The following PLCB4 variants were observed in gnomAD, a reference collection of about 807,000 sequenced individuals.
PLCB4 encodes the protein phospholipase C beta 4, also known as 1-phosphatidylinositol 4,5-bisphosphate phosphodiesterase beta-4.
In PLCB4, 77 loss-of-function variants were observed where a neutral mutation model predicts 178.8. The ratio of observed to expected loss-of-function variants is 0.43; its 90% confidence interval spans 0.36 to 0.52. PLCB4 has a LOEUF of 0.52. PLCB4 is among the 20% of genes least tolerant of loss of function. The pLI is 0.00. For synonymous variants in PLCB4, 496 were observed against 490.8 expected, an observed-to-expected ratio of 1.01 and a Z score of -0.14; for missense variants, 1,024 against 1,453.4, an observed-to-expected ratio of 0.70 and a Z score of 4.80.
chr20:9,408,037 C>G lies in PLCB4; in HGVS notation c.1768C>G (p.Gln590Glu), dbSNP rs760391675. Reference protein sequence around the residue: ...MINYAQPVKFQGFHVAEERNI... With the variant: ...MINYAQPVKFEGFHVAEERNI... ...CAACTACGCCCAGCCTGTAAAGTTTCAAGGTTTCCATGTGGCAGAAGGTAA... is the reference window on the plus strand; with the variant it reads ...CAACTACGCCCAGCCTGTAAAGTTTGAAGGTTTCCATGTGGCAGAAGGTAA... The change falls in exon 22 of 40, where the codon CAA (glutamine) becomes GAA (glutamate). Residue 590 changes from glutamine (Q) to glutamate (E), a missense_variant. Around this residue, in one of 7 missense-constraint regions of PLCB4, gnomAD observed 263 missense variants for 417.4 expected, o/e 0.63. Coordinates refer to ENST00000378473, the MANE Select transcript of PLCB4 (RefSeq NM_001377142.1). The G allele has an allele frequency of 1.9e-6, 3 of 1,613,234 alleles. No homozygotes were observed. The highest frequency in any genetic ancestry group is 2.5e-6 in the Non-Finnish European group (3 of 1,179,698).
At chr20:9,191,489 A>G (rs2093403579) in intron 2 of PLCB4, among the ~76,000 whole-genome samples, 3 of 151,740 alleles carry the variant, frequency 2.0e-5, no homozygotes. Context: ...AGCCTCCAGA[A>G]CTGTGAGAAA....
At chr20:9,308,678 A>G (rs6077511) in intron 4 of PLCB4, among the ~76,000 whole-genome samples, 101,561 of 152,034 alleles carry the variant, frequency 0.67, 34,177 homozygotes, top group Middle Eastern at 0.75. Context: ...CTTCCCAGAG[A>G]TCCAGATTGT....
intron 2 of PLCB4, among the ~76,000 whole-genome samples, chr20:9,174,433 C>T (rs1295506543): frequency 6.6e-6 from 1 of 151,484 alleles, no homozygotes; most frequent in African/African-American, 2.4e-5. Context: ...GTGTGAGCCA[C>T]TGCACCTGGC....
intron 2 of PLCB4, among the ~76,000 whole-genome samples, chr20:9,134,616 G>C (rs939487769): frequency 6.6e-6 from 1 of 152,048 alleles, no homozygotes; most frequent in African/African-American, 2.4e-5. Flanking sequence ...TTCCTGTTCT[G>C]CCTCCCGTTT....
chr20:9,358,909 C>CA (rs1480717298), intron 7 of PLCB4, among the ~76,000 whole-genome samples: 3 of 151,950 alleles, frequency 2.0e-5, no homozygotes, highest in South Asian at 2.1e-4. Context: ...AAAAAAACAA[C>CA]AAAAAAAGGA....
chr20:9,162,120 T>C (rs1317004345), intron 2 of PLCB4, among the ~76,000 whole-genome samples: 1 of 152,168 alleles, frequency 6.6e-6, no homozygotes, highest in African/African-American at 2.4e-5. Flanking sequence ...CCCAGGCAGA[T>C]GGAATTGGCA....
intron 2 of PLCB4, among the ~76,000 whole-genome samples, chr20:9,204,688 G>C (rs2093595107): frequency 6.6e-6 from 1 of 152,048 alleles, no homozygotes; most frequent in African/African-American, 2.4e-5. Context: ...TTATGAACCA[G>C]TGACGTAAGA....
chr20:9,222,026 ATTTTATTTTGTTTTAT>A (rs1696391714), intron 3 of PLCB4, among the ~76,000 whole-genome samples: 1 of 147,650 alleles, frequency 6.8e-6, no homozygotes, highest in Non-Finnish European at 1.5e-5. Context: ...CTATTTATTT[ATTTTATTTTGTTTTAT>A]TTTATTTTAT....
In PLCB4 at chr20:9,380,100, A is replaced by G; in HGVS notation, c.791A>G (p.Asp264Gly). ...AATGAAATTTTATTTCCATTTTATG[A>G]TGCCAAAAGGGCAATGCAGATCATT... Reference protein sequence around the residue: ...RLNEILFPFYDAKRAMQIIEM... With the variant: ...RLNEILFPFYGAKRAMQIIEM... The change falls in exon 13 of 40, where the codon GAT becomes GGT. Residue 264 changes from aspartate (D) to glycine (G), a missense_variant. Coordinates refer to ENST00000378473, the MANE Select transcript of PLCB4 (RefSeq NM_001377142.1). The G allele has an allele frequency of 1.2e-6, 2 of 1,600,228 alleles. No homozygotes were observed. Among genetic ancestry groups the G allele is most frequent in the Non-Finnish European group, 1.7e-6 (2 of 1,171,146 alleles).
intron 36 of PLCB4, among the ~76,000 whole-genome samples, 195 bp from the exon 37 acceptor site, chr20:9,472,595 C>A (rs577511011): frequency 2.0e-4 from 30 of 152,250 alleles, no homozygotes; most frequent in African/African-American, 7.2e-4. Flanking sequence ...ATCAGTTAAT[C>A]TGAGGGACAC....
intron 2 of PLCB4, among the ~76,000 whole-genome samples, chr20:9,108,869 AG>A (rs555725197): frequency 6.7e-6 from 1 of 148,926 alleles, no homozygotes; most frequent in Non-Finnish European, 1.5e-5. Flanking sequence ...AGAGATACAG[AG>A]TGATGAGAGA....
In PLCB4 at chr20:9,453,465, A is replaced by G. The variant is rs767728398; in HGVS notation, c.2996+3A>G. 1.4e-6 allele frequency: 2 copies of G among 1,466,160 alleles called. No homozygotes were observed. Among genetic ancestry groups the G allele is most frequent in the East Asian group, 2.3e-5 (1 of 44,170 alleles). The allele number at this position is 1,466,160 out of a possible 1,614,324, so 90.8% of individuals were successfully genotyped here. A position where few individuals can be genotyped will look rare whatever the true frequency, so the allele number is the denominator to read the frequency against. ...GAGAAGGCAATGAAGAAGAAGGGGT[A>G]ATACTGTTTATTTCCTTCTGAAGAC... On this transcript the variant is annotated splice_donor_region_variant and intron_variant, in intron 33 of 39. Coordinates refer to ENST00000378473, the MANE Select transcript of PLCB4 (RefSeq NM_001377142.1).
intron 2 of PLCB4, among the ~76,000 whole-genome samples, chr20:9,098,011 G>A (rs2090983854): frequency 6.6e-6 from 1 of 152,212 alleles, no homozygotes; most frequent in Non-Finnish European, 1.5e-5. Context: ...TGAACTTACA[G>A]AGACCAGAGA....
At chr20:9,074,806 TTAAACAAAACAAAACA>T (rs202118967) in intron 1 of PLCB4, among the ~76,000 whole-genome samples, 9,656 of 100,108 alleles carry the variant, frequency 0.096, 811 homozygotes, top group East Asian at 0.37. Context: ...TTTTTTTTTT[TTAAACAAAACAAAACA>T]AAACAAAACA....
chr20:9,347,271 G>A (rs546066118), intron 7 of PLCB4, among the ~76,000 whole-genome samples: 1 of 152,284 alleles, frequency 6.6e-6, no homozygotes, highest in African/African-American at 2.4e-5. Flanking sequence ...ACATGGGCCT[G>A]AGGTTTCTAG....
chr20:9,393,396 G>A (rs1433608810), intron 17 of PLCB4, among the ~76,000 whole-genome samples, 192 bp from the exon 18 acceptor site: 1 of 152,200 alleles, frequency 6.6e-6, no homozygotes, highest in Non-Finnish European at 1.5e-5. Context: ...CAAGTTTGCA[G>A]CACTAGTCTA....
intron 3 of PLCB4, among the ~76,000 whole-genome samples, chr20:9,227,758 A>T (rs2147330313): frequency 6.6e-6 from 1 of 152,234 alleles, no homozygotes; most frequent in Admixed American, 6.5e-5. Flanking sequence ...AGGAAATGTG[A>T]GTCCTCTAGC....
chr20:9,471,569 T>C (rs543075389), intron 36 of PLCB4, among the ~76,000 whole-genome samples: 1 of 152,092 alleles, frequency 6.6e-6, no homozygotes, highest in African/African-American at 2.4e-5. Flanking sequence ...TATCCAAAAC[T>C]GACTGAAAAT....
At chr20:9,303,835 T>G (rs2094732935) in intron 3 of PLCB4, among the ~76,000 whole-genome samples, 2 of 152,206 alleles carry the variant, frequency 1.3e-5, no homozygotes, top group African/African-American at 4.8e-5. Flanking sequence ...CTTTGAAAGA[T>G]ATATACTTTT....
Sources: allele counts gnomAD v4.1 joint callset (sites outside exome capture counted in the v4.1 genomes callset), GRCh38; gene constraint gnomAD v4.1.1; regional missense constraint gnomAD v4.1.1; transcripts MANE v1.5; gene names NCBI Gene and HGNC (gene_info 2026-07-23, HGNC 2026-07-21).